CCDC138: variants seen among roughly 807,000 people sequenced by gnomAD.
The protein encoded by CCDC138 is coiled-coil domain containing 138, also known as coiled-coil domain-containing protein 138.
CCDC138 carries 66 observed loss-of-function variants against 82.3 expected under a neutral mutation model. The observed-to-expected ratio is 0.80, with a 90% CI of 0.66 to 0.98. The LOEUF (loss-of-function observed/expected upper bound fraction) is 0.98. CCDC138 is among the 50% of genes least tolerant of loss of function. The pLI, the probability that CCDC138 is intolerant of heterozygous loss-of-function variation, is 0.00. For synonymous variants in CCDC138, 297 were observed against 265.4 expected, an observed-to-expected ratio of 1.12 and a Z score of -1.16; for missense variants, 816 against 758.9, an observed-to-expected ratio of 1.08 and a Z score of -0.88.
At chr2:108,846,476 C>T (rs1048080267) in intron 11 of CCDC138, among the ~76,000 whole-genome samples, 8 of 150,446 alleles carry the variant, frequency 5.3e-5, no homozygotes, top group South Asian at 2.1e-4. Flanking sequence ...CCCAAGAGTT[C>T]GAGACCAGCC....
intron 13 of CCDC138, among the ~76,000 whole-genome samples, chr2:108,869,387 A>C (rs1321486806): frequency 1.3e-5 from 2 of 152,176 alleles, no homozygotes; most frequent in African/African-American, 4.8e-5. Context: ...GAAGGATTCA[A>C]GCAGGACTAG....
intron 12 of CCDC138, among the ~76,000 whole-genome samples, chr2:108,849,712 A>G (rs1558729227): frequency 6.6e-6 from 1 of 152,196 alleles, no homozygotes; most frequent in Non-Finnish European, 1.5e-5. Flanking sequence ...GGAACAAGGA[A>G]GAGATACAAG....
chr2:108,847,307 C>T (rs1216745821), intron 12 of CCDC138, among the ~76,000 whole-genome samples: 1 of 152,180 alleles, frequency 6.6e-6, no homozygotes, highest in African/African-American at 2.4e-5. Flanking sequence ...ATGAAGTTTT[C>T]TCCCACAACC....
At chr2:108,824,952 T>C (rs1686313798) in intron 10 of CCDC138, among the ~76,000 whole-genome samples, 1 of 152,172 alleles carries the variant, frequency 6.6e-6, no homozygotes, top group South Asian at 2.1e-4. Flanking sequence ...GATTAAAAAT[T>C]GGTAAAGAAT....
chr2:108,826,961 T>A (rs751335107), intron 10 of CCDC138, among the ~76,000 whole-genome samples: 4 of 152,238 alleles, frequency 2.6e-5, no homozygotes, highest in Non-Finnish European at 5.9e-5. Flanking sequence ...GTACTTATTT[T>A]GAAAAGTTAG....
At chr2:108,825,928 C>T (rs1358556770) in intron 10 of CCDC138, among the ~76,000 whole-genome samples, 5 of 152,262 alleles carry the variant, frequency 3.3e-5, no homozygotes, top group East Asian at 3.9e-4. Flanking sequence ...TCAAAACATA[C>T]GGATTTAAAA....
At chr2:108,808,475 A>G (rs1683225692) in intron 7 of CCDC138, among the ~76,000 whole-genome samples, 1 of 152,098 alleles carries the variant, frequency 6.6e-6, no homozygotes, top group Non-Finnish European at 1.5e-5. Context: ...TTATATCCCC[A>G]CCAACAATGT....
At chr2:108,856,992 G>T in intron 13 of CCDC138, 22 bp downstream of exon 13, 2 of 1,235,164 alleles carry the variant, frequency 1.6e-6, no homozygotes, top group East Asian at 7.7e-5. Context: ...AGTTCTATAT[G>T]TGTAAAGAAA....
chr2:108,839,614 G>A (rs1421870988), intron 11 of CCDC138, among the ~76,000 whole-genome samples: 2 of 151,988 alleles, frequency 1.3e-5, no homozygotes, highest in African/African-American at 2.4e-5. Context: ...CTTTTTGGCT[G>A]AGTATTTAAA....
intron 10 of CCDC138, among the ~76,000 whole-genome samples, chr2:108,823,516 A>G (rs1459001999): frequency 3.9e-5 from 6 of 152,216 alleles, no homozygotes; most frequent in Admixed American, 3.9e-4. Flanking sequence ...ACCCTAGGTG[A>G]TATAGCCTAC....
intron 7 of CCDC138, 46 bp downstream of exon 7, chr2:108,805,054 G>GTA: frequency 9.3e-7 from 1 of 1,079,038 alleles, no homozygotes; most frequent in Non-Finnish European, 1.2e-6. Flanking sequence ...ATTCTAAGAA[G>GTA]TATATTTTAT....
chr2:108,873,888 C>T (rs1025030206), intron 14 of CCDC138, among the ~76,000 whole-genome samples: 1 of 152,030 alleles, frequency 6.6e-6, no homozygotes, highest in African/African-American at 2.4e-5. Context: ...TTCTGAATCC[C>T]ATGCTACTTA....
At chr2:108,864,054 A>G (rs1488275088) in intron 13 of CCDC138, among the ~76,000 whole-genome samples, 2 of 152,146 alleles carry the variant, frequency 1.3e-5, no homozygotes, top group East Asian at 1.9e-4. Context: ...ACACTAGACA[A>G]TAATAGATGA....
intron 13 of CCDC138, among the ~76,000 whole-genome samples, chr2:108,870,882 G>A (rs1695130601): frequency 6.6e-6 from 1 of 152,140 alleles, no homozygotes; most frequent in African/African-American, 2.4e-5. Context: ...AAAAAACTCT[G>A]GAGATGGATG....
intron 12 of CCDC138, among the ~76,000 whole-genome samples, chr2:108,848,445 G>A (rs563809236): frequency 3.9e-5 from 6 of 152,148 alleles, no homozygotes; most frequent in Non-Finnish European, 7.4e-5. Context: ...AAATATAACA[G>A]GGCATAAGAA....
intron 7 of CCDC138, among the ~76,000 whole-genome samples, chr2:108,806,943 C>T (rs957007638): frequency 1.3e-5 from 2 of 152,172 alleles, no homozygotes; most frequent in African/African-American, 4.8e-5. Context: ...TGCCTTGGGA[C>T]TGGGTGAATT....
chr2:108,809,609 T>A (rs1359161087), intron 7 of CCDC138, among the ~76,000 whole-genome samples: 5 of 152,156 alleles, frequency 3.3e-5, no homozygotes, highest in African/African-American at 1.2e-4. Context: ...CAGGATAGAT[T>A]TCTTTCTTTC....
intron 7 of CCDC138, among the ~76,000 whole-genome samples, chr2:108,809,592 T>C (rs1009274235): frequency 5.3e-5 from 8 of 152,140 alleles, no homozygotes; most frequent in Non-Finnish European, 1.0e-4. Context: ...TTTGTAGCCA[T>C]TGTAAACAGG....
At chr2:108,836,706 A>T (rs1047262200) in intron 10 of CCDC138, among the ~76,000 whole-genome samples, 2 of 152,160 alleles carry the variant, frequency 1.3e-5, no homozygotes, top group African/African-American at 4.8e-5. Context: ...ATGAAATTTC[A>T]TTCTATTTAT....
Sources: allele counts gnomAD v4.1 joint callset (sites outside exome capture counted in the v4.1 genomes callset), GRCh38; gene constraint gnomAD v4.1.1; transcripts MANE v1.5; gene names NCBI Gene and HGNC (gene_info 2026-07-23, HGNC 2026-07-21).